The following EMCN variants were observed in gnomAD, a reference collection of about 807,000 sequenced individuals.
EMCN encodes MUC-14.
Under a neutral mutation model 38.4 loss-of-function variants are expected in EMCN, and 37 were observed. The ratio of observed to expected loss-of-function variants is 0.96; its 90% CI spans 0.74 to 1.27. The LOEUF (loss-of-function observed/expected upper bound fraction) is 1.27. EMCN is among the 50% of genes most tolerant of loss of function. The pLI, the probability that EMCN is intolerant of heterozygous loss-of-function variation, is 0.00. For synonymous variants in EMCN, 95 were observed against 100.8 expected (o/e 0.94, Z 0.35); for missense variants, 318 against 302.8 (o/e 1.05, Z -0.37).
intron 5 of EMCN, among the ~76,000 whole-genome samples, chr4:100,439,904 C>T (rs1156684812): frequency 4.6e-5 from 7 of 152,018 alleles, no homozygotes; most frequent in East Asian, 3.9e-4. Context: ...TTCAGGAGCA[C>T]GTTACTTAAT....
Position 100,514,067 on chromosome 4 carries a change from G to C in EMCN, c.64+3784C>G, listed in dbSNP as rs75885857. 2.9e-3 allele frequency among the ~76,000 whole-genome samples: 445 copies of C among 152,142 alleles called. 5 individuals are homozygous for C. The highest frequency in any genetic ancestry group is 0.01 in the African/African-American group (427 of 41,526). On this transcript the variant is annotated intron_variant, in intron 1 of 11. Transcript: ENST00000296420. ...TTAATGTTACAATGGGCAAGATTAA[G>C]AAATATTTGGATTCAGGACTAAAGA...
intron 1 of EMCN, among the ~76,000 whole-genome samples, chr4:100,509,453 G>A (rs1368791631): frequency 6.6e-6 from 1 of 152,158 alleles, no homozygotes; most frequent in Admixed American, 6.5e-5. Context: ...GGTTTGCAGA[G>A]AGAGATAATT....
intron 1 of EMCN, chr4:100,483,450 C>G (rs1052173245): frequency 2.6e-5 from 4 of 151,874 alleles, no homozygotes; most frequent in African/African-American, 4.8e-5. Context: ...ATGTTTTGCT[C>G]TTATGTAACT....
At chr4:100,483,549 T>C (rs2110284497) in intron 1 of EMCN, 1 of 152,290 alleles carries the variant, frequency 6.6e-6, no homozygotes, top group East Asian at 1.9e-4. Context: ...TGTGTATGTA[T>C]ACATACGAAC....
chr4:100,445,353 A>G (rs1727639438), intron 5 of EMCN, among the ~76,000 whole-genome samples: 1 of 152,140 alleles, frequency 6.6e-6, no homozygotes, highest in Non-Finnish European at 1.5e-5. Flanking sequence ...TTAATCTCCC[A>G]AAAAGGTTCT....
At chr4:100,423,652 A>G (rs138853858) in intron 5 of EMCN, among the ~76,000 whole-genome samples, 2 of 152,272 alleles carry the variant, frequency 1.3e-5, no homozygotes, top group African/African-American at 4.8e-5. Context: ...AGAAAACTTC[A>G]GTAAGTTTTT....
At chr4:100,501,133 A>G (rs1314188182) in intron 1 of EMCN, among the ~76,000 whole-genome samples, 1 of 152,106 alleles carries the variant, frequency 6.6e-6, no homozygotes. Context: ...TTCCTGAAAT[A>G]AGGTTATAAA....
chr4:100,414,118 C>T (rs974847492), intron 10 of EMCN, among the ~76,000 whole-genome samples: 2 of 152,076 alleles, frequency 1.3e-5, no homozygotes, highest in African/African-American at 2.4e-5. Context: ...TCCCAGCACC[C>T]TCCTCACAAG....
intron 5 of EMCN, among the ~76,000 whole-genome samples, chr4:100,433,360 A>T (rs1375224413): frequency 1.3e-5 from 2 of 152,158 alleles, no homozygotes; most frequent in Non-Finnish European, 2.9e-5. Context: ...CCATTCATCC[A>T]TTAACAGACA....
intron 1 of EMCN, among the ~76,000 whole-genome samples, chr4:100,481,874 C>T (rs370232814): frequency 1.1e-4 from 16 of 151,316 alleles, no homozygotes; most frequent in Middle Eastern, 3.4e-3. Flanking sequence ...TCCTTCCTTC[C>T]TTCTTCCCTT....
At position 100,456,594 on chromosome 4, in the gene EMCN, T is replaced by A. The variant is rs567722401; in HGVS notation, c.376+8829A>T. On this transcript the variant is annotated intron_variant, in intron 4 of 11. Coordinates refer to ENST00000296420, the MANE Select transcript of EMCN (RefSeq NM_016242.4). ...ATTACTTCTTTGACACATAAGTTAC[T>A]GTAGTTTAAAATGTATCAGCATAGA... 6.6e-4 allele frequency among the ~76,000 whole-genome samples: 100 copies of A among 152,324 alleles called. No individual in the cohort carries two copies. The South Asian group carries it at 0.019, about 29-fold the overall frequency.
chr4:100,399,938 A>C (rs1041392967), intron 11 of EMCN, among the ~76,000 whole-genome samples: 1 of 152,150 alleles, frequency 6.6e-6, no homozygotes, highest in Non-Finnish European at 1.5e-5. Context: ...AAGAAGTCCC[A>C]GGTGTCTGTT....
intron 5 of EMCN, among the ~76,000 whole-genome samples, chr4:100,427,871 A>G (rs78558613): frequency 2.0e-5 from 3 of 152,218 alleles, no homozygotes; most frequent in East Asian, 3.9e-4. Context: ...CTTGGAGCAG[A>G]CATTCCTTCC....
chr4:100,461,980 G>T (rs1034568121), intron 4 of EMCN, among the ~76,000 whole-genome samples: 2 of 152,120 alleles, frequency 1.3e-5, no homozygotes, highest in African/African-American at 4.8e-5. Context: ...AGGGAGTGGT[G>T]CTCTGCTAAC....
chr4:100,476,110 C>A (rs1030804944), intron 2 of EMCN, among the ~76,000 whole-genome samples: 17 of 152,032 alleles, frequency 1.1e-4, no homozygotes, highest in African/African-American at 4.1e-4. Context: ...CCTAAGTAGT[C>A]AACATGACTC....
At chr4:100,412,690 A>G (rs1726597444) in intron 10 of EMCN, among the ~76,000 whole-genome samples, 1 of 152,156 alleles carries the variant, frequency 6.6e-6, no homozygotes, top group Non-Finnish European at 1.5e-5. Flanking sequence ...GCAACATTTG[A>G]TGCCCATTTT....
intron 6 of EMCN, 41 bp from the exon 7 acceptor site, chr4:100,423,121 T>G (rs1726940285): frequency 6.3e-7 from 1 of 1,583,552 alleles, no homozygotes; most frequent in African/African-American, 1.3e-5. Context: ...GGTTAATGTG[T>G]GCCAATTCTT....
At chr4:100,502,804 C>A (rs1051983296) in intron 1 of EMCN, among the ~76,000 whole-genome samples, 2 of 152,044 alleles carry the variant, frequency 1.3e-5, no homozygotes, top group African/African-American at 4.8e-5. Context: ...ATTAAATGTG[C>A]AGAAGTGTTT....
chr4:100,451,853 G>A (rs1454466089), intron 4 of EMCN, among the ~76,000 whole-genome samples: 1 of 151,950 alleles, frequency 6.6e-6, no homozygotes, highest in Non-Finnish European at 1.5e-5. Flanking sequence ...TTGTGTGTGT[G>A]TTTATTTCTT....
Sources: allele counts gnomAD v4.1 joint callset (sites outside exome capture counted in the v4.1 genomes callset), GRCh38; gene constraint gnomAD v4.1.1; transcripts MANE v1.5; gene names NCBI Gene and HGNC (gene_info 2026-07-23, HGNC 2026-07-21).